TNNI1: variants seen among roughly 807,000 people sequenced by gnomAD.
TNNI1 encodes the protein troponin I1, slow skeletal type, also known as troponin I, slow skeletal muscle.
Under a neutral mutation model 26.7 loss-of-function variants are expected in TNNI1, and 14 were observed. The ratio of observed to expected loss-of-function variants is 0.52; its 90% CI spans 0.35 to 0.82. The LOEUF (loss-of-function observed/expected upper bound fraction) is 0.82, where lower values mean the gene tolerates loss of function less well. TNNI1 is among the 40% of genes least tolerant of loss of function. The pLI is 0.01. For synonymous variants in TNNI1, 79 were observed against 98.2 expected, an observed-to-expected ratio of 0.80 and a Z score of 1.16; for missense variants, 164 against 257.0, an observed-to-expected ratio of 0.64 and a Z score of 2.47.
Position 201,405,883 on chromosome 1 carries a change from G to T in TNNI1, c.*3370C>A, listed in dbSNP as rs1371142298. On this transcript the variant is annotated 3_prime_UTR_variant, in exon 9 of 9. Coordinates refer to ENST00000361379, the MANE Select transcript of TNNI1 (RefSeq NM_003281.4). ...TCCACCAGCTGCAGAGAGAGGGGGTGCCCACCCAGCTATTGTGTGCTGATT... is the reference window on the plus strand; with the variant it reads ...TCCACCAGCTGCAGAGAGAGGGGGTTCCCACCCAGCTATTGTGTGCTGATT... The T allele has an allele frequency of 6.6e-6, 1 of 152,310 alleles. No homozygotes were observed. The highest frequency in any genetic ancestry group is 1.9e-4 in the East Asian group (1 of 5,200). The allele number at this position is 152,310 out of a possible 1,614,324, so 9.4% of individuals were successfully genotyped here.
rs1662550854 is a variant in TNNI1, at chr1:201,407,863, T to C, written c.*1390A>G. On this transcript the variant is annotated 3_prime_UTR_variant, in exon 9 of 9. Coordinates refer to ENST00000361379, the MANE Select transcript of TNNI1 (RefSeq NM_003281.4). ...TTCGAGACCAGCCTGACCAACATGGTGAAACCCTGTCTCTACTAAAAATAC... is the reference window on the plus strand; with the variant it reads ...TTCGAGACCAGCCTGACCAACATGGCGAAACCCTGTCTCTACTAAAAATAC... 6.6e-6 allele frequency: 1 copy of C among 152,012 alleles called. No individual in the cohort carries two copies. Among genetic ancestry groups the C allele is most frequent in the African/African-American group, 2.4e-5 (1 of 41,396 alleles). 9.4% of individuals were successfully genotyped at this position (152,012 alleles called of 1,614,324 possible).
rs1662589316 is a variant in TNNI1, at chr1:201,409,256, G to C, written c.*3-6C>G. On this transcript the variant is annotated splice_region_variant and splice_polypyrimidine_tract_variant and intron_variant, in intron 8 of 8. Transcript: ENST00000361379. The stretch of plus-strand genomic sequence containing the variant: ...GCGCAGCACAGCAAGCTGGCCTGTA[G>C]GGACAAAGAGGCAAAGCCATCAGTT... 1 of 152,250 alleles carries C rather than the reference G, an allele frequency of 6.6e-6. No homozygotes were observed. The highest frequency in any genetic ancestry group is 2.1e-4 in the South Asian group (1 of 4,834). The allele number at this position is 152,250 out of a possible 1,614,324, so 9.4% of individuals were successfully genotyped here. A position where few individuals can be genotyped will look rare whatever the true frequency, so the allele number is the denominator to read the frequency against.
At chr1:201,413,509 GC>G (rs1462284598) in intron 5 of TNNI1, among the ~76,000 whole-genome samples, 1 of 152,032 alleles carries the variant, frequency 6.6e-6, no homozygotes, top group East Asian at 1.9e-4. Flanking sequence ...ACTTTGGGAG[GC>G]CAAGGTGGGG....
At chr1:201,415,992 C>T (rs552420763) in intron 3 of TNNI1, among the ~76,000 whole-genome samples, 16 of 152,154 alleles carry the variant, frequency 1.1e-4, no homozygotes, top group African/African-American at 2.7e-4. Context: ...GGGCCATAGG[C>T]GGTCACTTCT....
rs905539889 is a variant in TNNI1, at chr1:201,407,286, T to A, written c.*1967A>T. On this transcript the variant is annotated 3_prime_UTR_variant, in exon 9 of 9. Transcript: ENST00000361379. ...GTGGCCTGGACCAGCCCTGTCAGGTTCTCCAACTTCGTGCATTGAGACTGG... is the reference window on the plus strand; with the variant it reads ...GTGGCCTGGACCAGCCCTGTCAGGTACTCCAACTTCGTGCATTGAGACTGG... The A allele has an allele frequency of 6.6e-5, 10 of 152,276 alleles. No homozygotes were observed. The highest frequency in any genetic ancestry group is 2.2e-4 in the African/African-American group (9 of 41,454). 9.4% of individuals were successfully genotyped at this position (152,276 alleles called of 1,614,324 possible).
chr1:201,411,205 A>G lies in TNNI1; in HGVS notation c.456+152T>C. 1 of 760,840 alleles carries G rather than the reference A, an allele frequency of 1.3e-6. No homozygotes were observed. The highest frequency in any genetic ancestry group is 2.1e-6 in the Non-Finnish European group (1 of 470,848). The allele number at this position is 760,840 out of a possible 1,614,324, so 47.1% of individuals were successfully genotyped here. A position where few individuals can be genotyped will look rare whatever the true frequency, so the allele number is the denominator to read the frequency against. On this transcript the variant is annotated intron_variant, in intron 7 of 8. Transcript: ENST00000361379. This position sits in a 1 kb window ranked among gnomAD's most constrained non-coding sequence, Gnocchi z 4.6. ...GCAAATCTTCTTTCTTTCTTCCCAC[A>G]CTGGTCTCCCAAAGCATTCTAGAAT...
chr1:201,413,082 C>G lies in TNNI1; in HGVS notation c.229G>C (p.Asp77His). The G allele has an allele frequency of 1.2e-6, 2 of 1,614,134 alleles. No homozygotes were observed. Among genetic ancestry groups the G allele is most frequent in the Non-Finnish European group, 1.7e-6 (2 of 1,179,970 alleles). ...RELHAKVEVV[D>H]EERYDIEAKC... ...GCCTCAATGTCGTATCGCTCCTCAT[C>G]CACCACCTCCACCTTGGCGTGCAGC... Residue 77 changes from aspartate to histidine, a missense_variant, in exon 6 of 9, where the codon GAT becomes CAT. By Grantham distance (81) the Asp-to-His change is moderately conservative. Around this residue, in one of 3 missense-constraint regions of TNNI1, gnomAD observed 117 missense variants for 158.7 expected, o/e 0.74. Transcript: ENST00000361379.
In TNNI1 at chr1:201,411,414, C is replaced by A. The variant is rs545960859; in HGVS notation, c.399G>T (p.Lys133Asn). ...GGTTGGCCCGCAGATCCATGGACAC[C>A]TTGTGCTTGGAGCCCAGCAGGGCCC... ...MLRALLGSKH[K>N]VSMDLRANLK... is the part of the protein sequence containing the mutation. The change falls in exon 7 of 9, where the codon AAG becomes AAT. Residue 133 changes from lysine to asparagine, a missense_variant. Lys to Asn is a moderately conservative substitution (Grantham distance 94, BLOSUM62 0). Around this residue, in one of 3 missense-constraint regions of TNNI1, gnomAD observed 43 missense variants for 74.3 expected, o/e 0.58. Transcript: ENST00000361379. This position sits in a 1 kb window ranked among gnomAD's most constrained non-coding sequence, Gnocchi z 4.6. 1.2e-6 allele frequency: 2 copies of A among 1,613,996 alleles called. No individual in the cohort carries two copies. Among genetic ancestry groups the A allele is most frequent in the South Asian group, 2.2e-5 (2 of 91,020 alleles).
intron 1 of TNNI1, 58 bp from the exon 2 acceptor site, chr1:201,417,870 G>C (rs112071533): frequency 3.7e-4 from 475 of 1,270,630 alleles, no homozygotes; most frequent in Non-Finnish European, 4.3e-4. Context: ...CCCCTGCCCA[G>C]CTGGGCCTTG....
At chr1:201,416,717 C>T (rs1359216688) in intron 3 of TNNI1, among the ~76,000 whole-genome samples, 1 of 152,238 alleles carries the variant, frequency 6.6e-6, no homozygotes, top group East Asian at 1.9e-4. Flanking sequence ...AACCCAATGA[C>T]TATCCCTTAC....
rs560450828 is a variant in TNNI1, at chr1:201,407,766, C to A, written c.*1487G>T. The A allele has an allele frequency of 6.6e-6, 1 of 152,098 alleles. No homozygotes were observed. Among genetic ancestry groups the A allele is most frequent in the Admixed American group, 6.5e-5 (1 of 15,274 alleles). The allele number at this position is 152,098 out of a possible 1,614,324, so 9.4% of individuals were successfully genotyped here. On this transcript the variant is annotated 3_prime_UTR_variant, in exon 9 of 9. Transcript: ENST00000361379. The stretch of plus-strand genomic sequence containing the variant: ...CTGCCCTGAAAAGTCAGAACTTGAC[C>A]GGATGTGGTCGCTCACACCTGTAAT...
chr1:201,412,623 C>T (rs1265346591), intron 6 of TNNI1, among the ~76,000 whole-genome samples: 1 of 152,218 alleles, frequency 6.6e-6, no homozygotes, highest in African/African-American at 2.4e-5. Context: ...AGTCTTTGGC[C>T]TCTCTGATCC....
Position 201,415,208 on chromosome 1 carries a change from C to T in TNNI1, c.57+5G>A, listed in dbSNP as rs144385838. 6.2e-7 allele frequency: 1 copy of T among 1,613,904 alleles called. No homozygotes were observed. The highest frequency in any genetic ancestry group is 2.2e-5 in the East Asian group (1 of 44,888). On this transcript the variant is annotated splice_donor_5th_base_variant and intron_variant, in intron 4 of 8. Transcript: ENST00000361379. ...CATCCCCCCACAGCCAGCCCCCAGC[C>T]TCACCTTCAGCAAGAGTTTGCGGGA...
rs1364161527 is a variant in TNNI1 at position 201,415,243 on chromosome 1, C to G, written c.27G>C (p.Lys9Asn). 2 of 1,614,138 alleles carry G rather than the reference C, an allele frequency of 1.2e-6. No individual in the cohort carries two copies. Among genetic ancestry groups the G allele is most frequent in the Non-Finnish European group, 1.7e-6 (2 of 1,180,024 alleles). The change falls in exon 4 of 9, where the codon AAG becomes AAC. Residue 9 changes from lysine (K) to asparagine (N), a missense_variant. Physicochemically the swap from Lys to Asn is moderately conservative, Grantham distance 94. This residue lies in a region of TNNI1 where 117 missense variants were observed against 158.7 expected (regional missense o/e 0.74). Coordinates refer to ENST00000361379, the MANE Select transcript of TNNI1 (RefSeq NM_003281.4). MPEVERKP[K>N]ITASRKLLLK... ...GCAAGAGTTTGCGGGAGGCAGTGAT[C>G]TTGGGTTTTCTCTGTGGGCAAGAAG... is the stretch of plus-strand genomic sequence containing the variant.
chr1:201,410,446 G>C lies in TNNI1; in HGVS notation c.457-11C>G. The C allele has an allele frequency of 1.2e-6, 2 of 1,612,686 alleles. No individual in the cohort carries two copies. Among genetic ancestry groups the C allele is most frequent in the Non-Finnish European group, 1.7e-6 (2 of 1,178,690 alleles). On this transcript the variant is annotated splice_polypyrimidine_tract_variant and intron_variant, in intron 7 of 8. Coordinates refer to ENST00000361379, the MANE Select transcript of TNNI1 (RefSeq NM_003281.4). ...CTCCACAGGCCGCTCCTGTAGACAA[G>C]TGGCACACACATCAGGGACTTACCA...
Position 201,410,117 on chromosome 1 carries a change from A to T in TNNI1, c.*2+209T>A, listed in dbSNP as rs143206483. The T allele has an allele frequency of 4.4e-3, 2,212 of 507,238 alleles. 70 individuals carry two copies. The Admixed American group carries it at 0.05, about 11-fold the overall frequency. 31.4% of individuals were successfully genotyped at this position (507,238 alleles called of 1,614,324 possible). On this transcript the variant is annotated intron_variant, in intron 8 of 8. Transcript: ENST00000361379. ...AATTTCATAGATAATGGGAACAAAA[A>T]GGGCCGCCAAACAGAAATGACATGC... is the stretch of plus-strand genomic sequence containing the variant.
rs372040064 is a variant in TNNI1 at position 201,410,480 on chromosome 1, G to A, written c.457-45C>T. 4.8e-5 allele frequency: 74 copies of A among 1,554,650 alleles called. 1 individual carries two copies. In the Middle Eastern group the frequency reaches 5.1e-3, roughly 106 times the overall value. On this transcript the variant is annotated intron_variant, in intron 7 of 8. Transcript: ENST00000361379. ...ACATCAGGGACTTACCAGGCTGGAC[G>A]GCCCCCCAGCTCAAGAGAAGCTGGG...
intron 1 of TNNI1, among the ~76,000 whole-genome samples, chr1:201,420,061 G>A (rs1263402811): frequency 6.6e-6 from 1 of 152,224 alleles, no homozygotes; most frequent in Non-Finnish European, 1.5e-5. Flanking sequence ...GTCTGCGTCT[G>A]TCTCCCTGGG....
intron 1 of TNNI1, among the ~76,000 whole-genome samples, chr1:201,418,664 T>C (rs577729169): frequency 6.6e-6 from 1 of 152,212 alleles, no homozygotes; most frequent in African/African-American, 2.4e-5. Flanking sequence ...CATCCACAGA[T>C]GGCAATGCAA....
Sources: allele counts gnomAD v4.1 joint callset (sites outside exome capture counted in the v4.1 genomes callset), GRCh38; gene constraint gnomAD v4.1.1; regional missense constraint gnomAD v4.1.1; non-coding constraint Gnocchi (gnomAD v3.1); transcripts MANE v1.5; gene names NCBI Gene and HGNC (gene_info 2026-07-23, HGNC 2026-07-21).